The following STK32B variants were observed in gnomAD, a reference collection of about 807,000 sequenced individuals.
STK32B encodes serine/threonine kinase 32B, also known as serine/threonine-protein kinase 32B.
In STK32B, 43 loss-of-function variants were observed where a neutral mutation model predicts 52.6. The ratio of observed to expected loss-of-function variants is 0.82; its 90% CI spans 0.64 to 1.05. STK32B has a LOEUF of 1.05. Ranked by LOEUF, STK32B falls within the 50% of genes least tolerant of loss-of-function variation. The pLI, the probability that STK32B is intolerant of heterozygous loss-of-function variation, is 0.00. For missense variants in STK32B, 621 were observed against 534.6 expected, an observed-to-expected ratio of 1.16 and a Z score of -1.59; for synonymous variants, 238 against 204.3, an observed-to-expected ratio of 1.17 and a Z score of -1.41.
chr4:5,410,524 A>G (rs1469326875), intron 5 of STK32B, among the ~76,000 whole-genome samples: 7 of 152,142 alleles, frequency 4.6e-5, no homozygotes, highest in Non-Finnish European at 1.0e-4. Flanking sequence ...TGGCACCCAT[A>G]AAAGTGTTCA....
At chr4:5,441,452 TC>T (rs1232814375) in intron 6 of STK32B, among the ~76,000 whole-genome samples, 1 of 150,592 alleles carries the variant, frequency 6.6e-6, no homozygotes, top group African/African-American at 2.4e-5. Flanking sequence ...AGTGGTGATA[TC>T]CCCTTTATCA....
At chr4:5,195,280 T>C (rs767477822) in intron 3 of STK32B, among the ~76,000 whole-genome samples, 32 of 152,152 alleles carry the variant, frequency 2.1e-4, no homozygotes, top group Non-Finnish European at 4.3e-4. Context: ...TTTGCTCACA[T>C]AGAAGTAAGG....
chr4:5,358,701 G>GCGCGCGCACACACACACA lies in STK32B; in HGVS notation c.434+27309_434+27310insGCGCGCACACACACACAC, dbSNP rs151338728. On this transcript the variant is annotated intron_variant, in intron 4 of 11. Transcript: ENST00000282908. ...CATGCCAGGACACATTCACACACAT[G>GCGCGCGCACACACACACA]CACACACACACACACACACACAGGC... 6.4e-3 allele frequency among the ~76,000 whole-genome samples: 681 copies of GCGCGCGCACACACACACA among 106,794 alleles called. 6 individuals carry two copies. Among genetic ancestry groups the GCGCGCGCACACACACACA allele is most frequent in the African/African-American group, 0.025 (616 of 24,582 alleles). 70.1% of individuals were successfully genotyped at this position (106,794 alleles called of 152,430 possible).
chr4:5,135,747 A>G (rs923641150), intron 1 of STK32B, among the ~76,000 whole-genome samples: 3 of 152,176 alleles, frequency 2.0e-5, no homozygotes, highest in Non-Finnish European at 4.4e-5. Flanking sequence ...TGAAGGCAGG[A>G]AGAAGTGGTA....
intron 11 of STK32B, among the ~76,000 whole-genome samples, chr4:5,478,913 TG>T (rs1037450747): frequency 1.8e-4 from 27 of 152,236 alleles, no homozygotes; most frequent in Non-Finnish European, 3.5e-4. Flanking sequence ...TGATTTCTGC[TG>T]GGGCTTCCCA....
At chr4:5,119,762 G>T (rs1165889436) in intron 1 of STK32B, among the ~76,000 whole-genome samples, 1 of 152,216 alleles carries the variant, frequency 6.6e-6, no homozygotes, top group South Asian at 2.1e-4. Context: ...ATATGTGAGC[G>T]ACCTAAATTT....
intron 1 of STK32B, among the ~76,000 whole-genome samples, chr4:5,132,468 A>G (rs1715838151): frequency 6.6e-6 from 1 of 152,124 alleles, no homozygotes; most frequent in Admixed American, 6.5e-5. Flanking sequence ...CTGAACTTGC[A>G]CCCGGAACCT....
intron 2 of STK32B, among the ~76,000 whole-genome samples, chr4:5,153,168 C>T (rs1251988542): frequency 6.6e-6 from 1 of 152,144 alleles, no homozygotes; most frequent in Non-Finnish European, 1.5e-5. Context: ...CAAGTGGGGT[C>T]AGGAGGAAAA....
intron 6 of STK32B, among the ~76,000 whole-genome samples, chr4:5,441,138 T>G (rs1446040620): frequency 7.4e-5 from 11 of 148,766 alleles, no homozygotes; most frequent in Non-Finnish European, 1.2e-4. Flanking sequence ...TTAGGGAGGA[T>G]TCCCTCTTTT....
At chr4:5,192,589 A>C (rs558575495) in intron 3 of STK32B, among the ~76,000 whole-genome samples, 1 of 152,334 alleles carries the variant, frequency 6.6e-6, no homozygotes, top group Non-Finnish European at 1.5e-5. Context: ...GCTTTATTAA[A>C]GTAGGATTGG....
intron 2 of STK32B, chr4:5,140,420 CTG>C (rs1716352863): frequency 1.4e-6 from 1 of 727,462 alleles, no homozygotes; most frequent in African/African-American, 1.8e-5. Context: ...AAGCTCCAGT[CTG>C]TTCCCACATA....
At chr4:5,152,526 A>G (rs559931037) in intron 2 of STK32B, among the ~76,000 whole-genome samples, 3 of 152,370 alleles carry the variant, frequency 2.0e-5, no homozygotes, top group Admixed American at 6.5e-5. Context: ...AAGGCAGCCA[A>G]TAAAGGGTTT....
At chr4:5,244,143 C>G (rs905358337) in intron 3 of STK32B, among the ~76,000 whole-genome samples, 2 of 152,128 alleles carry the variant, frequency 1.3e-5, no homozygotes, top group African/African-American at 4.8e-5. Context: ...GGAATAGTTT[C>G]AGAAGTAATG....
intron 3 of STK32B, among the ~76,000 whole-genome samples, chr4:5,182,151 G>C (rs182327843): frequency 2.5e-4 from 38 of 152,310 alleles, no homozygotes; most frequent in African/African-American, 9.1e-4. Flanking sequence ...GTGTGGTCAT[G>C]AGATTGCAAC....
chr4:5,205,371 A>T (rs1481407591), intron 3 of STK32B, among the ~76,000 whole-genome samples: 1 of 152,160 alleles, frequency 6.6e-6, no homozygotes, highest in African/African-American at 2.4e-5. Flanking sequence ...TCTTGTATCT[A>T]TGTATCTCTT....
At chr4:5,075,783 C>G (rs1455759502) in intron 1 of STK32B, among the ~76,000 whole-genome samples, 2 of 151,944 alleles carry the variant, frequency 1.3e-5, no homozygotes, top group Non-Finnish European at 2.9e-5. Flanking sequence ...ACTTTTTATT[C>G]TAATTTCCAC....
At chr4:5,041,943 G>T in the STK32B span, among the ~76,000 whole-genome samples, 1 of 152,204 alleles carries the variant, frequency 6.6e-6, no homozygotes, top group Non-Finnish European at 1.5e-5. Context: ...AACAAAATCT[G>T]ATATAGCAGA....
intron 3 of STK32B, among the ~76,000 whole-genome samples, chr4:5,259,503 C>T (rs1260810278): frequency 1.3e-5 from 2 of 152,300 alleles, no homozygotes; most frequent in East Asian, 1.9e-4. Flanking sequence ...ATCTTTGGAC[C>T]TCAGTTCCCT....
rs142333440 is a variant in STK32B at position 5,160,846 on chromosome 4, G to C, written c.109-7453G>C. ...GAGGGAGGCTGGGGTGCTGGGGACGGCTTTGCCCCTTCACACAGGGAGGTC... is the reference window on the plus strand; with the variant it reads ...GAGGGAGGCTGGGGTGCTGGGGACGCCTTTGCCCCTTCACACAGGGAGGTC... On this transcript the variant is annotated intron_variant, in intron 2 of 11. Coordinates refer to ENST00000282908, the MANE Select transcript of STK32B (RefSeq NM_018401.3). Among the ~76,000 whole-genome samples, 522 of 152,304 alleles carry C rather than the reference G, an allele frequency of 3.4e-3. 3 individuals are homozygous for C. Among genetic ancestry groups the C allele is most frequent in the African/African-American group, 0.012 (496 of 41,568 alleles).
Sources: gnomAD v4.1 joint callset for allele counts (sites outside exome capture counted in the v4.1 genomes callset) on GRCh38, gnomAD v4.1.1 for gene constraint, MANE v1.5 for transcripts, NCBI Gene and HGNC (gene_info 2026-07-23, HGNC 2026-07-21) for gene names.